SNX24: variants seen among roughly 807,000 people sequenced by gnomAD.
The protein encoded by SNX24 is sorting nexin 24.
In SNX24, 22 loss-of-function variants were observed where a neutral mutation model predicts 28.7. The observed-to-expected ratio is 0.77, with a 90% CI of 0.55 to 1.10. SNX24 has a LOEUF of 1.10. Among genes scored for constraint, SNX24 ranks in the 50% least tolerant of loss-of-function variants. The pLI, the probability that SNX24 is intolerant of heterozygous loss-of-function variation, is 0.00. For missense variants in SNX24, 221 were observed against 201.1 expected (o/e 1.10, Z -0.60); for synonymous variants, 69 against 71.5 (o/e 0.96, Z 0.18).
At chr5:122,865,553 G>C (rs762979834) in intron 1 of SNX24, among the ~76,000 whole-genome samples, 95 of 152,174 alleles carry the variant, frequency 6.2e-4, no homozygotes, top group Non-Finnish European at 2.4e-4. Context: ...TGGCCAGGCT[G>C]GTCTCGAACT....
intron 2 of SNX24, among the ~76,000 whole-genome samples, chr5:122,939,511 G>T (rs1759346302): frequency 6.6e-6 from 1 of 152,060 alleles, no homozygotes; most frequent in Admixed American, 6.5e-5. Flanking sequence ...TTTAATTTTG[G>T]TTATGACATT....
At chr5:122,846,474 A>G (rs1282363956) in intron 1 of SNX24, among the ~76,000 whole-genome samples, 1 of 152,246 alleles carries the variant, frequency 6.6e-6, no homozygotes, top group Non-Finnish European at 1.5e-5. Flanking sequence ...ATTTACTTCC[A>G]GTTGTTAAAG....
intron 1 of SNX24, among the ~76,000 whole-genome samples, chr5:122,878,459 A>G (rs1267023435): frequency 6.6e-6 from 1 of 152,188 alleles, no homozygotes; most frequent in Non-Finnish European, 1.5e-5. Flanking sequence ...AAGAAGGAAA[A>G]GCAGGGTCAG....
intron 6 of SNX24, among the ~76,000 whole-genome samples, chr5:123,002,934 T>C (rs1762296188): frequency 6.6e-6 from 1 of 152,190 alleles, no homozygotes; most frequent in Admixed American, 6.5e-5. Context: ...ATGAGAAAAT[T>C]GGGGTCCAGG....
At position 122,989,566 on chromosome 5, in the gene SNX24, G is replaced by A. The variant is rs566705780; in HGVS notation, c.250-10346G>A. On this transcript the variant is annotated intron_variant, in intron 3 of 6. Coordinates refer to ENST00000261369, the MANE Select transcript of SNX24 (RefSeq NM_014035.4). ...TGTTATTGGGAAATGTTGGGGAAGAGTAGGGCAGGGTATATTATTTTCATT... is the reference window on the plus strand; with the variant it reads ...TGTTATTGGGAAATGTTGGGGAAGAATAGGGCAGGGTATATTATTTTCATT... Among the ~76,000 whole-genome samples the A allele has an allele frequency of 1.2e-4, 19 of 152,288 alleles. No homozygotes were observed. In the East Asian group the frequency reaches 3.5e-3, roughly 28 times the overall value.
intron 3 of SNX24, chr5:122,948,471 G>A (rs560189345): frequency 6.6e-6 from 1 of 152,188 alleles, no homozygotes; most frequent in Non-Finnish European, 1.5e-5. Flanking sequence ...CCAAGCCATA[G>A]CATCTTAAGT....
At chr5:123,028,896 A>T in intron 5 of SNX24, 1 of 1,534,196 alleles carries the variant, frequency 6.5e-7, no homozygotes, top group East Asian at 2.2e-5. Flanking sequence ...GTTGAATAAC[A>T]AGTAACAGAG....
At chr5:122,951,670 T>C (rs141246234) in intron 3 of SNX24, among the ~76,000 whole-genome samples, 1 of 152,268 alleles carries the variant, frequency 6.6e-6, no homozygotes, top group Non-Finnish European at 1.5e-5. Flanking sequence ...AAGTAGTAGA[T>C]GGGCAAGGAA....
intron 3 of SNX24, among the ~76,000 whole-genome samples, chr5:122,960,629 A>T (rs1375249501): frequency 6.6e-6 from 1 of 152,092 alleles, no homozygotes; most frequent in African/African-American, 2.4e-5. Flanking sequence ...GCAGACCCCC[A>T]AGTTCTTATT....
At chr5:122,964,476 A>G (rs1156829664) in intron 3 of SNX24, among the ~76,000 whole-genome samples, 1 of 151,870 alleles carries the variant, frequency 6.6e-6, no homozygotes, top group Non-Finnish European at 1.5e-5. Context: ...AAATTATAGT[A>G]TGCCTTCTTT....
chr5:122,865,299 ATTTG>A (rs751458546), intron 1 of SNX24, among the ~76,000 whole-genome samples: 3 of 151,630 alleles, frequency 2.0e-5, no homozygotes, highest in East Asian at 3.9e-4. Flanking sequence ...GTAAAATAAG[ATTTG>A]TTTGTTTGCT....
chr5:123,007,655 T>A (rs745685411), intron 6 of SNX24, 27 bp from the exon 7 acceptor site: 16 of 1,562,610 alleles, frequency 1.0e-5, no homozygotes, highest in Non-Finnish European at 1.3e-5. Flanking sequence ...TTTCTTTTTT[T>A]TTTCTTTTTT....
intron 1 of SNX24, among the ~76,000 whole-genome samples, chr5:122,885,260 C>G (rs1044135617): frequency 6.6e-6 from 1 of 152,100 alleles, no homozygotes; most frequent in Non-Finnish European, 1.5e-5. Flanking sequence ...CCCTGCCTCT[C>G]CTCCCCAAGC....
chr5:122,944,690 G>A (rs1759605979), intron 2 of SNX24, among the ~76,000 whole-genome samples: 1 of 152,162 alleles, frequency 6.6e-6, no homozygotes, highest in African/African-American at 2.4e-5. Context: ...CAGAGGCAAA[G>A]GTGGCCGCTC....
At position 122,845,658 on chromosome 5, in the gene SNX24, C is replaced by T; in HGVS notation, c.25C>T (p.Arg9Cys). 2 of 1,428,338 alleles carry T rather than the reference C, an allele frequency of 1.4e-6. No homozygotes were observed. Among genetic ancestry groups the T allele is most frequent in the Non-Finnish European group, 1.8e-6 (2 of 1,081,562 alleles). The allele number at this position is 1,428,338 out of a possible 1,614,324, so 88.5% of individuals were successfully genotyped here. MEVYIPSF[R>C]YEESDLERGY... ...CATGGAGGTCTACATCCCGTCCTTT[C>T]GCTATGAAGAGAGCGACCTGGAGCG... The change falls in exon 1 of 7, where the codon CGC becomes TGC. Residue 9 changes from arginine to cysteine, a missense_variant. Coordinates refer to ENST00000261369, the MANE Select transcript of SNX24 (RefSeq NM_014035.4).
At chr5:122,999,254 AT>A (rs762838101) in intron 3 of SNX24, among the ~76,000 whole-genome samples, 2 of 151,668 alleles carry the variant, frequency 1.3e-5, no homozygotes, top group Admixed American at 1.3e-4. Context: ...AACTCTATAG[AT>A]TTTTTTTTCA....
At chr5:123,020,098 C>T (rs1338034661) in intron 5 of SNX24, among the ~76,000 whole-genome samples, 7 of 152,218 alleles carry the variant, frequency 4.6e-5, no homozygotes, top group African/African-American at 1.4e-4. Context: ...TGGCATGTAT[C>T]GCGTAAAGCG....
chr5:122,946,014 G>GTTTTTTTTTTTTTTTTTTT (rs574269067), intron 2 of SNX24, 41 bp from the exon 3 acceptor site: 2 of 877,816 alleles, frequency 2.3e-6, no homozygotes, highest in Non-Finnish European at 3.3e-6. Flanking sequence ...AGACATCTCT[G>GTTTTTTTTTTTTTTTTTTT]TTTTTTTTTT....
chr5:122,906,970 C>T (rs1757669476), intron 1 of SNX24, among the ~76,000 whole-genome samples: 2 of 152,196 alleles, frequency 1.3e-5, no homozygotes, highest in South Asian at 4.1e-4. Flanking sequence ...GGTTTGGCTA[C>T]AGGCCACCAG....
Sources: allele counts gnomAD v4.1 joint callset (sites outside exome capture counted in the v4.1 genomes callset), GRCh38; gene constraint gnomAD v4.1.1; transcripts MANE v1.5; gene names NCBI Gene and HGNC (gene_info 2026-07-23, HGNC 2026-07-21).